FMN2: variants seen among roughly 807,000 people sequenced by gnomAD.
FMN2 encodes formin 2.
A neutral mutation model predicts 142.3 loss-of-function variants in FMN2; 51 were observed. The observed-to-expected ratio is 0.36, with a 90% CI of 0.29 to 0.45. The LOEUF (loss-of-function observed/expected upper bound fraction) is 0.45, where lower values mean the gene tolerates loss of function less well. FMN2 is among the 20% of genes least tolerant of loss of function. The pLI is 1.00. For missense variants in FMN2, 1,936 were observed against 2,122.8 expected, an observed-to-expected ratio of 0.91 and a Z score of 1.73; for synonymous variants, 882 against 869.8, an observed-to-expected ratio of 1.01 and a Z score of -0.25.
At chr1:240,451,768 G>A (rs1486387843) in intron 16 of FMN2, among the ~76,000 whole-genome samples, 3 of 151,982 alleles carry the variant, frequency 2.0e-5, no homozygotes, top group Non-Finnish European at 2.9e-5. Flanking sequence ...CATGAAGGAA[G>A]TGTAGTGTTG....
chr1:240,471,763 G>A (rs541284896), intron 16 of FMN2: 1 of 152,512 alleles, frequency 6.6e-6, no homozygotes, highest in Non-Finnish European at 1.5e-5. Flanking sequence ...GAGTGCAGAG[G>A]TGCTGATCAC....
chr1:240,143,591 A>G, intron 2 of FMN2: 1 of 1,608,242 alleles, frequency 6.2e-7, no homozygotes, highest in Non-Finnish European at 8.5e-7. Flanking sequence ...GCCTATGCAC[A>G]CACATCTACC....
chr1:240,424,094 A>G (rs1674857498), intron 15 of FMN2, among the ~76,000 whole-genome samples: 1 of 152,176 alleles, frequency 6.6e-6, no homozygotes, highest in Non-Finnish European at 1.5e-5. Context: ...TTAACTGTTG[A>G]TTCTGATACG....
chr1:240,459,717 T>TTAAAAAAAAAAAAAAAAAAA (rs1471697427), intron 16 of FMN2, among the ~76,000 whole-genome samples: 1 of 67,130 alleles, frequency 1.5e-5, no homozygotes, highest in African/African-American at 5.1e-5. Flanking sequence ...ACTCTGTCTC[T>TTAAAAAAAAAAAAAAAAAAA]AAAAAAAAAA....
At chr1:240,327,830 G>A (rs1671221163) in intron 8 of FMN2, among the ~76,000 whole-genome samples, 1 of 152,150 alleles carries the variant, frequency 6.6e-6, no homozygotes, top group South Asian at 2.1e-4. Flanking sequence ...AAGAAAATAA[G>A]CATGGAGTCA....
intron 6 of FMN2, among the ~76,000 whole-genome samples, chr1:240,217,532 A>T (rs113829008): frequency 1.3e-5 from 2 of 152,230 alleles, no homozygotes; most frequent in Non-Finnish European, 2.9e-5. Flanking sequence ...ATCTGCTTTT[A>T]ATAGAATACA....
chr1:240,132,924 G>C (rs542446253), intron 2 of FMN2, among the ~76,000 whole-genome samples: 1 of 152,122 alleles, frequency 6.6e-6, no homozygotes, highest in Non-Finnish European at 1.5e-5. Flanking sequence ...GCCTTGTCTA[G>C]TGGTTCTCAT....
chr1:240,276,281 C>T (rs1203037379), intron 7 of FMN2, among the ~76,000 whole-genome samples: 5 of 152,066 alleles, frequency 3.3e-5, no homozygotes, highest in Admixed American at 3.3e-4. Context: ...GTGGTTTTAA[C>T]AAGGGTTGAG....
intron 13 of FMN2, among the ~76,000 whole-genome samples, chr1:240,344,691 T>A (rs1056222669): frequency 6.6e-6 from 1 of 152,232 alleles, no homozygotes; most frequent in African/African-American, 2.4e-5. Context: ...TTATATATAT[T>A]AGAAAAAATA....
intron 4 of FMN2, among the ~76,000 whole-genome samples, chr1:240,206,034 C>T (rs1666339737): frequency 6.6e-6 from 1 of 151,972 alleles, no homozygotes; most frequent in Non-Finnish European, 1.5e-5. Context: ...TCCCAAGTAG[C>T]TGGGACTACA....
chr1:240,344,687 A>G (rs1248275609), intron 13 of FMN2, among the ~76,000 whole-genome samples: 1 of 152,176 alleles, frequency 6.6e-6, no homozygotes, highest in African/African-American at 2.4e-5. Context: ...CCATTTATAT[A>G]TATTAGAAAA....
intron 14 of FMN2, among the ~76,000 whole-genome samples, chr1:240,368,972 T>TAA (rs1553370051): frequency 6.6e-6 from 1 of 151,290 alleles, no homozygotes; most frequent in Non-Finnish European, 1.5e-5. Flanking sequence ...TATATATATA[T>TAA]AAACACAGAG....
chr1:240,210,916 A>G (rs868696484), intron 5 of FMN2, among the ~76,000 whole-genome samples, 175 bp from the exon 6 acceptor site: 1 of 152,172 alleles, frequency 6.6e-6, no homozygotes, highest in South Asian at 2.1e-4. Flanking sequence ...CATTAAGTTG[A>G]TCAAACAAAT....
intron 4 of FMN2, among the ~76,000 whole-genome samples, chr1:240,191,944 A>T (rs1665715523): frequency 6.6e-6 from 1 of 152,210 alleles, no homozygotes; most frequent in Admixed American, 6.5e-5. Context: ...TTTATCATTT[A>T]TCAATAGTCA....
At chr1:240,259,985 A>G (rs966253967) in intron 7 of FMN2, among the ~76,000 whole-genome samples, 1 of 152,178 alleles carries the variant, frequency 6.6e-6, no homozygotes, top group African/African-American at 2.4e-5. Context: ...TCACTTATGA[A>G]TGTGAGAACA....
intron 14 of FMN2, among the ~76,000 whole-genome samples, chr1:240,357,759 C>T (rs1672322994): frequency 6.6e-6 from 1 of 152,078 alleles, no homozygotes; most frequent in Non-Finnish European, 1.5e-5. Context: ...AGGCACCCGC[C>T]ACCACGCCCG....
At chr1:240,180,093 T>A in intron 3 of FMN2, 1 of 909,180 alleles carries the variant, frequency 1.1e-6, no homozygotes, top group Non-Finnish European at 1.5e-6. Flanking sequence ...CATGATTTGA[T>A]GTAGCTTGCA....
intron 14 of FMN2, among the ~76,000 whole-genome samples, chr1:240,388,329 C>T (rs925763209): frequency 4.1e-5 from 6 of 146,596 alleles, no homozygotes; most frequent in East Asian, 2.0e-4. Flanking sequence ...ATCAAAGAAG[C>T]GATTATTCAA....
At chr1:240,095,505 C>G (rs1278249182) in intron 1 of FMN2, among the ~76,000 whole-genome samples, 1 of 152,030 alleles carries the variant, frequency 6.6e-6, no homozygotes, top group Non-Finnish European at 1.5e-5. Flanking sequence ...ACCATTAAAT[C>G]ATGATTTTGC....
Sources: allele counts gnomAD v4.1 joint callset (sites outside exome capture counted in the v4.1 genomes callset), GRCh38; gene constraint gnomAD v4.1.1; transcripts MANE v1.5; gene names NCBI Gene and HGNC (gene_info 2026-07-23, HGNC 2026-07-21).